ATRNL1: variants seen among roughly 807,000 people sequenced by gnomAD.
The protein encoded by ATRNL1 is attractin like 1, also known as attractin-like protein 1.
A neutral mutation model predicts 182.7 loss-of-function variants in ATRNL1; 95 were observed. The observed-to-expected ratio is 0.52, with a 90% CI of 0.44 to 0.62. ATRNL1 has a LOEUF of 0.62. Ranked by LOEUF, ATRNL1 falls within the 20% of genes least tolerant of loss-of-function variation. The pLI is 0.00. For synonymous variants in ATRNL1, 576 were observed against 568.3 expected, an observed-to-expected ratio of 1.01 and a Z score of -0.19; for missense variants, 1,471 against 1,679.5, an observed-to-expected ratio of 0.88 and a Z score of 2.17.
chr10:115,929,962 T>C (rs996212385), intron 28 of ATRNL1, among the ~76,000 whole-genome samples: 7 of 152,118 alleles, frequency 4.6e-5, no homozygotes. Context: ...ATTTGAAATT[T>C]GATGGTGCAG....
chr10:115,624,918 A>C (rs147738159), intron 26 of ATRNL1, among the ~76,000 whole-genome samples: 4 of 152,206 alleles, frequency 2.6e-5, no homozygotes, highest in Non-Finnish European at 5.9e-5. Context: ...AACCAGAACT[A>C]CTTTTTAATT....
intron 27 of ATRNL1, among the ~76,000 whole-genome samples, chr10:115,770,206 A>C (rs1948955056): frequency 1.3e-5 from 2 of 152,100 alleles, no homozygotes; most frequent in Non-Finnish European, 2.9e-5. Context: ...CTATCTAATG[A>C]ATATATTGAT....
chr10:115,392,377 A>T (rs1844073616), intron 19 of ATRNL1, among the ~76,000 whole-genome samples: 1 of 152,096 alleles, frequency 6.6e-6, no homozygotes, highest in Non-Finnish European at 1.5e-5. Flanking sequence ...GAAATCTCAG[A>T]CTCACTCTTA....
chr10:115,489,985 C>T (rs1323035708), intron 24 of ATRNL1, among the ~76,000 whole-genome samples: 2 of 152,082 alleles, frequency 1.3e-5, no homozygotes, highest in African/African-American at 2.4e-5. Flanking sequence ...TCTTTTGAAG[C>T]TTAGTTTGGC....
intron 26 of ATRNL1, among the ~76,000 whole-genome samples, chr10:115,562,325 G>C (rs1555000001): frequency 6.6e-6 from 1 of 152,190 alleles, no homozygotes; most frequent in Admixed American, 6.5e-5. Context: ...TGTGGGGCCA[G>C]ATGGAGAATG....
chr10:115,139,108 C>T (rs2143800712), intron 5 of ATRNL1, among the ~76,000 whole-genome samples: 1 of 152,340 alleles, frequency 6.6e-6, no homozygotes, highest in South Asian at 2.1e-4. Flanking sequence ...AGTTCCTCCT[C>T]ATCTCCATCT....
At chr10:115,346,814 C>T (rs1314004246) in intron 19 of ATRNL1, among the ~76,000 whole-genome samples, 6 of 152,018 alleles carry the variant, frequency 3.9e-5, no homozygotes, top group East Asian at 3.9e-4. Context: ...GTATTTTCCA[C>T]CATTCTGTAG....
chr10:115,806,398 T>G (rs955696800), intron 27 of ATRNL1, among the ~76,000 whole-genome samples: 1 of 152,274 alleles, frequency 6.6e-6, no homozygotes, highest in Middle Eastern at 3.4e-3. Flanking sequence ...TGTGAGGCAG[T>G]TCCAGTGCTG....
intron 27 of ATRNL1, among the ~76,000 whole-genome samples, chr10:115,808,912 T>G (rs372779789): frequency 2.0e-5 from 3 of 152,186 alleles, no homozygotes; most frequent in African/African-American, 7.2e-5. Context: ...ATTTTTTGCC[T>G]AACTCAAGGT....
intron 19 of ATRNL1, among the ~76,000 whole-genome samples, chr10:115,336,830 G>T (rs1855500847): frequency 6.6e-6 from 1 of 151,464 alleles, no homozygotes; most frequent in Non-Finnish European, 1.5e-5. Flanking sequence ...GTACAGTGTT[G>T]TGCAACTGTC....
intron 27 of ATRNL1, among the ~76,000 whole-genome samples, chr10:115,778,634 G>A (rs1237808696): frequency 2.0e-5 from 3 of 152,194 alleles, no homozygotes; most frequent in Non-Finnish European, 4.4e-5. Flanking sequence ...ATGATTGAAA[G>A]GGAAATTGGG....
chr10:115,836,923 C>T (rs377266644), intron 27 of ATRNL1, among the ~76,000 whole-genome samples: 4 of 151,988 alleles, frequency 2.6e-5, no homozygotes, highest in Non-Finnish European at 5.9e-5. Context: ...GTGCAGTGGG[C>T]GCCACCCAAT....
chr10:115,546,813 A>C (rs1471318533), intron 25 of ATRNL1, among the ~76,000 whole-genome samples: 1 of 152,290 alleles, frequency 6.6e-6, no homozygotes, highest in East Asian at 1.9e-4. Context: ...CTGGAGAACA[A>C]AAACATTCCT....
chr10:115,506,024 C>G (rs1188115215), intron 24 of ATRNL1, among the ~76,000 whole-genome samples: 1 of 151,086 alleles, frequency 6.6e-6, no homozygotes, highest in Non-Finnish European at 1.5e-5. Flanking sequence ...ATTGTTCTTT[C>G]AGTTTGGCCT....
chr10:115,283,247 C>T (rs1852454911), intron 14 of ATRNL1, among the ~76,000 whole-genome samples: 1 of 152,058 alleles, frequency 6.6e-6, no homozygotes, highest in Admixed American at 6.5e-5. Context: ...AACCCCGTCT[C>T]TACTAAAAAT....
intron 18 of ATRNL1, among the ~76,000 whole-genome samples, chr10:115,330,988 G>T (rs1554934869): frequency 6.6e-6 from 1 of 151,572 alleles, no homozygotes; most frequent in Admixed American, 6.6e-5. Flanking sequence ...TTCTCTGAGT[G>T]TGTATTTTCC....
intron 27 of ATRNL1, among the ~76,000 whole-genome samples, chr10:115,784,582 A>G (rs1949349961): frequency 6.6e-6 from 1 of 152,192 alleles, no homozygotes; most frequent in Non-Finnish European, 1.5e-5. Context: ...TCAGTCCTGG[A>G]AGCCAAAATC....
intron 21 of ATRNL1, among the ~76,000 whole-genome samples, chr10:115,451,238 AG>A (rs1159442025): frequency 6.6e-6 from 1 of 152,204 alleles, no homozygotes; most frequent in Admixed American, 6.6e-5. Context: ...AGACACCAAA[AG>A]CAATTGCAAC....
intron 1 of ATRNL1, among the ~76,000 whole-genome samples, chr10:115,109,285 T>G (rs781936860): frequency 1.3e-5 from 2 of 152,202 alleles, no homozygotes; most frequent in Non-Finnish European, 2.9e-5. Flanking sequence ...TATTCAGTTT[T>G]GTGCTGCTAT....
Sources: gnomAD v4.1 joint callset for allele counts (sites outside exome capture counted in the v4.1 genomes callset) on GRCh38, gnomAD v4.1.1 for gene constraint, MANE v1.5 for transcripts, NCBI Gene and HGNC (gene_info 2026-07-23, HGNC 2026-07-21) for gene names.